IFT56: variants seen among roughly 807,000 people sequenced by gnomAD.
The protein encoded by IFT56 is intraflagellar transport 56, also known as intraflagellar transport protein 56.
At chr7:139,144,597 ATATGTATG>A in the IFT56 span, among the ~76,000 whole-genome samples, 1 of 151,658 alleles carries the variant, frequency 6.6e-6, no homozygotes, top group Non-Finnish European at 1.5e-5. Flanking sequence ...GCTCCCAGTA[ATATGTATG>A]TATGTATGTA....
At chr7:139,171,203 A>G in the IFT56 span, among the ~76,000 whole-genome samples, 2 of 152,364 alleles carry the variant, frequency 1.3e-5, no homozygotes, top group East Asian at 3.9e-4. Flanking sequence ...GGACACACAA[A>G]AAAGGAAAGA....
chr7:139,157,169 G>A, the IFT56 span, among the ~76,000 whole-genome samples: 1 of 72,104 alleles, frequency 1.4e-5, no homozygotes, highest in Non-Finnish European at 3.1e-5. Flanking sequence ...TTTTTGAGAC[G>A]AAGTTTTGCT....
At chr7:139,168,149 T>C in the IFT56 span, among the ~76,000 whole-genome samples, 2,514 of 152,294 alleles carry the variant, frequency 0.017, 36 homozygotes, top group South Asian at 0.031. Flanking sequence ...AATTTTGTTA[T>C]ATAGATACTT....
chr7:139,171,713 T>G, the IFT56 span, among the ~76,000 whole-genome samples: 1 of 152,204 alleles, frequency 6.6e-6, no homozygotes, highest in Non-Finnish European at 1.5e-5. Flanking sequence ...GACTGAAATC[T>G]AAGACCTTAA....
the IFT56 span, among the ~76,000 whole-genome samples, chr7:139,167,704 C>T: frequency 1.3e-5 from 2 of 151,906 alleles, no homozygotes; most frequent in Non-Finnish European, 2.9e-5. Context: ...TTTGGGAGGC[C>T]AAGGCAGGTG....
At chr7:139,184,475 T>C in the IFT56 span, among the ~76,000 whole-genome samples, 3 of 152,194 alleles carry the variant, frequency 2.0e-5, no homozygotes, top group Non-Finnish European at 4.4e-5. Context: ...TGCTTTCATA[T>C]ATGTAACATT....
chr7:139,178,556 C>G, the IFT56 span: 113 of 1,613,912 alleles, frequency 7.0e-5, 1 homozygote, highest in East Asian at 2.5e-3. Flanking sequence ...TTAATTATGC[C>G]CAAGCCAAAG....
chr7:139,179,384 C>T, the IFT56 span, among the ~76,000 whole-genome samples: 1 of 152,200 alleles, frequency 6.6e-6, no homozygotes, highest in East Asian at 1.9e-4. Context: ...TTTTTGTCAA[C>T]TTGTAATATC....
the IFT56 span, chr7:139,174,306 G>A: frequency 1.0e-4 from 58 of 560,638 alleles, no homozygotes; most frequent in Admixed American, 8.6e-4. Context: ...AGCCCACCTG[G>A]TGCTGGGCCA....
At chr7:139,180,663 C>T in the IFT56 span, among the ~76,000 whole-genome samples, 3 of 151,534 alleles carry the variant, frequency 2.0e-5, no homozygotes, top group African/African-American at 4.9e-5. Context: ...GAGCCAAGAT[C>T]GCACCACTGC....
chr7:139,178,177 A>G, the IFT56 span: 1 of 1,467,962 alleles, frequency 6.8e-7, no homozygotes. Flanking sequence ...TTTTAGTCTC[A>G]TGAATATATG....
At chr7:139,144,422 A>G in the IFT56 span, among the ~76,000 whole-genome samples, 1 of 151,962 alleles carries the variant, frequency 6.6e-6, no homozygotes. Context: ...GGTTTTTGTT[A>G]TTAGCACTTT....
At chr7:139,169,858 A>T in the IFT56 span, among the ~76,000 whole-genome samples, 1 of 152,124 alleles carries the variant, frequency 6.6e-6, no homozygotes, top group African/African-American at 2.4e-5. Flanking sequence ...AAGTAATAAT[A>T]AAAAAATCAG....
At chr7:139,170,170 C>T in the IFT56 span, among the ~76,000 whole-genome samples, 3 of 152,070 alleles carry the variant, frequency 2.0e-5, no homozygotes, top group African/African-American at 7.2e-5. Flanking sequence ...TGAAGAAATC[C>T]AAAACCTGAG....
chr7:139,148,728 C>T, the IFT56 span, among the ~76,000 whole-genome samples: 1 of 151,286 alleles, frequency 6.6e-6, no homozygotes, highest in South Asian at 2.1e-4. Flanking sequence ...AGTTTGAGAC[C>T]AGCCTAGCCA....
chr7:139,138,752 T>A, the IFT56 span, among the ~76,000 whole-genome samples: 1 of 152,110 alleles, frequency 6.6e-6, no homozygotes, highest in Non-Finnish European at 1.5e-5. Context: ...AAATTGTTTT[T>A]CTTGGTCATT....
chr7:139,158,099 A>C, the IFT56 span, among the ~76,000 whole-genome samples: 5 of 152,174 alleles, frequency 3.3e-5, no homozygotes, highest in East Asian at 9.7e-4. Context: ...AGATCACTTG[A>C]GGTCAGGAGT....
the IFT56 span, among the ~76,000 whole-genome samples, chr7:139,164,326 A>G: frequency 6.6e-6 from 1 of 152,232 alleles, no homozygotes; most frequent in Non-Finnish European, 1.5e-5. Flanking sequence ...AGAGATGAGG[A>G]AACAGGCTCA....
the IFT56 span, chr7:139,137,699 G>A: frequency 5.3e-6 from 3 of 561,302 alleles, no homozygotes; most frequent in African/African-American, 5.6e-5. Context: ...TACTTGTCCT[G>A]TAGGTATAGG....
Sources: gnomAD v4.1 joint callset for allele counts (sites outside exome capture counted in the v4.1 genomes callset) on GRCh38, gnomAD v4.1.1 for gene constraint, MANE v1.5 for transcripts, NCBI Gene and HGNC (gene_info 2026-07-23, HGNC 2026-07-21) for gene names.